The following CYP26A1 variants were observed in gnomAD, a reference collection of about 807,000 sequenced individuals.
CYP26A1 encodes the protein cytochrome P450 family 26 subfamily A member 1, also known as cytochrome P450 26A1.
In CYP26A1, 46 loss-of-function variants were observed where a neutral mutation model predicts 47.4. The ratio of observed to expected loss-of-function variants is 0.97; its 90% CI spans 0.77 to 1.24. The LOEUF is 1.24. Among genes scored for constraint, CYP26A1 ranks in the 50% most tolerant of loss-of-function variants. The pLI, the probability that CYP26A1 is intolerant of heterozygous loss-of-function variation, is 0.00. For missense variants in CYP26A1, 680 were observed against 644.4 expected (o/e 1.06, Z -0.60); for synonymous variants, 277 against 263.7 (o/e 1.05, Z -0.49).
chr10:93,077,465 A>G lies in CYP26A1; in HGVS notation c.*161A>G, dbSNP rs1846992843. ...TTAAATATTAAAATAATGAATTTGT[A>G]TCATTTCCAAATAAAGTAAAATTTG... On this transcript the variant is annotated 3_prime_UTR_variant, in exon 7 of 7. Coordinates refer to ENST00000224356, the MANE Select transcript of CYP26A1 (RefSeq NM_000783.4). 2.0e-5 allele frequency: 8 copies of G among 398,684 alleles called. No homozygotes were observed. Among genetic ancestry groups the G allele is most frequent in the Non-Finnish European group, 3.5e-5 (8 of 230,142 alleles). 24.7% of individuals were successfully genotyped at this position (398,684 alleles called of 1,614,324 possible). A position where few individuals can be genotyped will look rare whatever the true frequency, so the allele number is the denominator to read the frequency against.
Position 93,075,293 on chromosome 10 carries a change from C to G in CYP26A1, c.850C>G (p.Arg284Gly). Residue 284 changes from arginine to glycine, a missense_variant, in exon 4 of 7, where the codon CGG (arginine) becomes GGG (glycine). Arg to Gly is a moderately radical substitution (Grantham distance 125, BLOSUM62 -2). Transcript: ENST00000224356. ...CGAGCACTCGTGGGAGAGGGGAGAG[C>G]GGCTGGACATGCAGGTGAGTAGCAG... is the stretch of plus-strand genomic sequence containing the variant. ...LIEHSWERGE[R>G]LDMQALKQSS... is the part of the protein sequence containing the mutation. 2 of 1,613,778 alleles carry G rather than the reference C, an allele frequency of 1.2e-6. No individual in the cohort carries two copies. The highest frequency in any genetic ancestry group is 1.7e-6 in the Non-Finnish European group (2 of 1,179,778).
Position 93,077,167 on chromosome 10 carries a change from A to G in CYP26A1, c.1357A>G (p.Lys453Glu), listed in dbSNP as rs1179341725. The G allele has an allele frequency of 4.3e-6, 7 of 1,613,844 alleles. No homozygotes were observed. Among genetic ancestry groups the G allele is most frequent in the East Asian group, 4.5e-5 (2 of 44,882 alleles). The change falls in exon 7 of 7, where the codon AAA becomes GAA. Residue 453 changes from lysine to glutamate, a missense_variant. By Grantham distance (56) the Lys-to-Glu change is moderately conservative. Coordinates refer to ENST00000224356, the MANE Select transcript of CYP26A1 (RefSeq NM_000783.4). ...VGKEFAKILL[K>E]IFTVELARHC... ...CAAAGAATTTGCAAAAATTCTTCTC[A>G]AAATATTTACAGTGGAGCTGGCCAG...
chr10:93,075,364 G>C, intron 4 of CYP26A1, 57 bp downstream of exon 4: 1 of 1,551,104 alleles, frequency 6.4e-7, no homozygotes, highest in South Asian at 1.2e-5. Flanking sequence ...CTTTCCAAGC[G>C]CTGTTCCTGG....
In CYP26A1 at chr10:93,077,002, A is replaced by G. The variant is rs746326359; in HGVS notation, c.1192A>G (p.Ile398Val). The G allele has an allele frequency of 4.3e-6, 7 of 1,612,940 alleles. No homozygotes were observed. The East Asian group carries it at 6.7e-5, about 15-fold the overall frequency. ...IPKGWNVIYSICDTHDVAEIF... is the reference protein window; with the variant it reads ...IPKGWNVIYSVCDTHDVAEIF... ...CAAGGGCTGGAATGTTATCTACAGT[A>G]TCTGTGATACTCATGATGTGGCAGA... Residue 398 changes from isoleucine (I) to valine (V), a missense_variant, in exon 7 of 7, where the codon ATC (isoleucine) becomes GTC (valine). By Grantham distance (29) the Ile-to-Val change is conservative (BLOSUM62 3). Coordinates refer to ENST00000224356, the MANE Select transcript of CYP26A1 (RefSeq NM_000783.4).
Position 93,074,128 on chromosome 10 carries a change from G to A in CYP26A1, c.189+5G>A, listed in dbSNP as rs1236796513. On this transcript the variant is annotated splice_donor_5th_base_variant and intron_variant, in intron 1 of 6. Coordinates refer to ENST00000224356, the MANE Select transcript of CYP26A1 (RefSeq NM_000783.4). The surrounding 1 kb of genome is among the most constrained non-coding windows in gnomAD (Gnocchi z 5.3). ...ACCTTGCAGATGGTACTGCAGGTAA[G>A]GGAGGGTGGGGCGGGACAGGCTGCT... 3 of 1,533,442 alleles carry A rather than the reference G, an allele frequency of 2.0e-6. No individual in the cohort carries two copies. The highest frequency in any genetic ancestry group is 2.6e-6 in the Non-Finnish European group (3 of 1,133,240). 95.0% of individuals were successfully genotyped at this position (1,533,442 alleles called of 1,614,324 possible). A position where few individuals can be genotyped will look rare whatever the true frequency, so the allele number is the denominator to read the frequency against.
At chr10:93,076,070 G>A (rs1038993406) in intron 5 of CYP26A1, 110 bp downstream of exon 5, 4 of 845,378 alleles carry the variant, frequency 4.7e-6, no homozygotes, top group Non-Finnish European at 7.7e-6. Flanking sequence ...TTTTGAAAGT[G>A]CAGGGCCCAG....
chr10:93,074,143 G>GGGGGGGGGGC lies in CYP26A1; in HGVS notation c.189+20_189+21insGGGGGGGGGC. On this transcript the variant is annotated intron_variant, in intron 1 of 6. Transcript: ENST00000224356. This position sits in a 1 kb window ranked among gnomAD's most constrained non-coding sequence, Gnocchi z 5.3. ...CTGCAGGTAAGGGAGGGTGGGGCGG[G>GGGGGGGGGGC]ACAGGCTGCTTCCCCGGAGCCCGGC... is the stretch of plus-strand genomic sequence containing the variant. 2.1e-6 allele frequency: 1 copy of GGGGGGGGGGC among 483,730 alleles called. No individual in the cohort carries two copies. The highest frequency in any genetic ancestry group is 4.1e-6 in the Non-Finnish European group (1 of 246,524). 30.0% of individuals were successfully genotyped at this position (483,730 alleles called of 1,614,324 possible).
chr10:93,074,632 G>T lies in CYP26A1; in HGVS notation c.414+100G>T. On this transcript the variant is annotated intron_variant, in intron 2 of 6. Transcript: ENST00000224356. This position sits in a 1 kb window ranked among gnomAD's most constrained non-coding sequence, Gnocchi z 5.3. ...GGCGCGGGCTAGCAGCTTGAGGTGG[G>T]CTAGGACCCTCTGCCAGCTCCAGGT... 1 of 1,062,402 alleles carries T rather than the reference G, an allele frequency of 9.4e-7. No homozygotes were observed. The allele number at this position is 1,062,402 out of a possible 1,614,324, so 65.8% of individuals were successfully genotyped here. A position where few individuals can be genotyped will look rare whatever the true frequency, so the allele number is the denominator to read the frequency against.
At position 93,077,061 on chromosome 10, in the gene CYP26A1, C is replaced by T; in HGVS notation, c.1251C>T (p.Asp417=). The T allele has an allele frequency of 6.2e-7, 1 of 1,613,552 alleles. No homozygotes were observed. The highest frequency in any genetic ancestry group is 1.7e-4 in the Middle Eastern group (1 of 6,058). Residue 417 remains aspartate (D), a synonymous_variant, in exon 7 of 7, where the codon GAC becomes GAT. Coordinates refer to ENST00000224356, the MANE Select transcript of CYP26A1 (RefSeq NM_000783.4). ...CCAACAAGGAAGAATTTAATCCTGA[C>T]CGATTCATGCTGCCTCACCCAGAGG... is the stretch of plus-strand genomic sequence containing the variant. ...IFTNKEEFNP[D]RFMLPHPEDA...
Position 93,075,974 on chromosome 10 carries a change from G to A in CYP26A1, c.999+14G>A. On this transcript the variant is annotated intron_variant, in intron 5 of 6. Coordinates refer to ENST00000224356, the MANE Select transcript of CYP26A1 (RefSeq NM_000783.4). ...CTGAAGAGTAAGGTAGGGAGACTGG[G>A]TCTGGGGGTGTCCTTATTAGCTTAG... 4 of 1,607,248 alleles carry A rather than the reference G, an allele frequency of 2.5e-6. No individual in the cohort carries two copies. In the South Asian group the frequency reaches 4.4e-5, roughly 18 times the overall value.
At chr10:93,076,483 G>C in intron 5 of CYP26A1, 61 bp from the exon 6 acceptor site, 1 of 1,227,916 alleles carries the variant, frequency 8.1e-7, no homozygotes, top group Non-Finnish European at 1.2e-6. Flanking sequence ...GTTTACGTCT[G>C]CTGGGCTGAT....
chr10:93,076,651 A>C lies in CYP26A1; in HGVS notation c.1107A>C (p.Pro369=), dbSNP rs767604114. 1 of 1,611,152 alleles carries C rather than the reference A, an allele frequency of 6.2e-7. No homozygotes were observed. The change falls in exon 6 of 7, where the codon CCA becomes CCC. Residue 369 remains proline (P), a synonymous_variant. Transcript: ENST00000224356. ...AGGAGACCCTTCGACTGAATCCCCCAGTTCCAGGAGGGTTTCGGGTTGCTC... is the reference window on the plus strand; with the variant it reads ...AGGAGACCCTTCGACTGAATCCCCCCGTTCCAGGAGGGTTTCGGGTTGCTC... ...VIKETLRLNP[P]VPGGFRVALK...
intron 5 of CYP26A1, 117 bp downstream of exon 5, chr10:93,076,077 C>T (rs1264477381): frequency 2.6e-6 from 2 of 777,682 alleles, no homozygotes; most frequent in Admixed American, 4.7e-5. Context: ...AGTGCAGGGC[C>T]CAGGGCTGCG....
chr10:93,073,882 G>A (rs117884953), upstream of CYP26A1: 23,823 of 683,106 alleles, frequency 0.035, 515 homozygotes, highest in Non-Finnish European at 0.043. Context: ...CAGCGCCGTG[G>A]GGTTTGAAGC....
upstream of CYP26A1, chr10:93,073,621 C>T: frequency 2.6e-6 from 1 of 378,266 alleles, no homozygotes; most frequent in Non-Finnish European, 4.7e-6. Context: ...CCCACCGCCG[C>T]CTCGGAGCTC....
rs1167686380 is a variant in CYP26A1, at chr10:93,074,425, G to C, written c.307G>C (p.Gly103Arg). ...GGACAATGTGCGGCGCATCTTGCTC[G>C]GAGAGCACCGGCTGGTGTCGGTCCA... ...GADNVRRILL[G>R]EHRLVSVHWP... The change falls in exon 2 of 7, where the codon GGA becomes CGA. Residue 103 changes from glycine to arginine, a missense_variant. By Grantham distance (125) the Gly-to-Arg change is moderately radical (BLOSUM62 -2). Transcript: ENST00000224356. This position sits in a 1 kb window ranked among gnomAD's most constrained non-coding sequence, Gnocchi z 5.3. 6.2e-7 allele frequency: 1 copy of C among 1,610,624 alleles called. No homozygotes were observed. Among genetic ancestry groups the C allele is most frequent in the East Asian group, 2.2e-5 (1 of 44,850 alleles).
At position 93,077,797 on chromosome 10, in the gene CYP26A1, AC is replaced by A. The variant is rs1205859417; in HGVS notation, c.*495del. 6.6e-6 allele frequency: 1 copy of A among 152,266 alleles called. No individual in the cohort carries two copies. The highest frequency in any genetic ancestry group is 2.4e-5 in the African/African-American group (1 of 41,456). The allele number at this position is 152,266 out of a possible 1,614,324, so 9.4% of individuals were successfully genotyped here. A position where few individuals can be genotyped will look rare whatever the true frequency, so the allele number is the denominator to read the frequency against. ...TTTGCTGTACTTTAGGGAAAGATGA[AC>A]CTGAAAAGGTAACACTGAGAACTGT... On this transcript the variant is annotated 3_prime_UTR_variant, in exon 7 of 7. Coordinates refer to ENST00000224356, the MANE Select transcript of CYP26A1 (RefSeq NM_000783.4).
At chr10:93,073,807 C>T (rs1031060253), upstream of CYP26A1, 2 of 581,676 alleles carry the variant, frequency 3.4e-6, no homozygotes, top group African/African-American at 3.9e-5. Context: ...TAAAGATGAA[C>T]TTTGGGTGAA....
At chr10:93,076,034 A>T in intron 5 of CYP26A1, 74 bp downstream of exon 5, 1 of 1,198,112 alleles carries the variant, frequency 8.3e-7, no homozygotes, top group Non-Finnish European at 1.2e-6. Context: ...CTTCCGAATA[A>T]GTCAGTGTGC....
Sources: gnomAD v4.1 joint callset for allele counts on GRCh38, gnomAD v4.1.1 for gene constraint, Gnocchi (gnomAD v3.1) non-coding constraint, MANE v1.5 for transcripts, NCBI Gene and HGNC (gene_info 2026-07-23, HGNC 2026-07-21) for gene names.